ITSN2: variants seen among roughly 807,000 people sequenced by gnomAD.
ITSN2 encodes intersectin 2.
ITSN2 carries 156 observed loss-of-function variants against 243.7 expected under a neutral mutation model. The ratio of observed to expected loss-of-function variants is 0.64; its 90% CI spans 0.56 to 0.73. The LOEUF is 0.73. Among genes scored for constraint, ITSN2 ranks in the 30% least tolerant of loss-of-function variants. The pLI is 0.00. For missense variants in ITSN2, 1,801 were observed against 1,996.1 expected, an observed-to-expected ratio of 0.90 and a Z score of 1.86; for synonymous variants, 703 against 699.9, an observed-to-expected ratio of 1.00 and a Z score of -0.07.
rs572763102 is a variant in ITSN2 at position 24,292,352 on chromosome 2, T to C, written c.1723+1336A>G. 5.1e-4 allele frequency among the ~76,000 whole-genome samples: 77 copies of C among 152,236 alleles called. 1 individual carries two copies. The South Asian group carries it at 6.0e-3, about 12-fold the overall frequency. On this transcript the variant is annotated intron_variant, in intron 15 of 39. Coordinates refer to ENST00000355123, the MANE Select transcript of ITSN2 (RefSeq NM_006277.3). ...CAATGATGACAATAATAAAGATATATTTCTGCCACTGTGCATATCAGGTGG... is the reference window on the plus strand; with the variant it reads ...CAATGATGACAATAATAAAGATATACTTCTGCCACTGTGCATATCAGGTGG...
intron 2 of ITSN2, chr2:24,321,720 T>A (rs1488017191): frequency 6.6e-6 from 1 of 152,146 alleles, no homozygotes; most frequent in Admixed American, 6.5e-5. Context: ...CAGAACTGAT[T>A]TTCTATTATA....
chr2:24,216,726 C>T (rs1669988652), intron 31 of ITSN2, among the ~76,000 whole-genome samples: 1 of 151,324 alleles, frequency 6.6e-6, no homozygotes, highest in South Asian at 2.1e-4. Flanking sequence ...CACTGCACTG[C>T]AGCTTGGGTG....
rs749203927 is a variant in ITSN2 at position 24,312,407 on chromosome 2, T to C, written c.189-32A>G. On this transcript the variant is annotated intron_variant, in intron 4 of 39. Transcript: ENST00000355123. Reference sequence around the variant, plus strand: ...GGAGCATGAGGTAGGTAGATTGCTATGTGGTGTGGTGGTGGGAAAACTAAC... The same window carrying C: ...GGAGCATGAGGTAGGTAGATTGCTACGTGGTGTGGTGGTGGGAAAACTAAC... 15 of 1,503,548 alleles carry C rather than the reference T, an allele frequency of 1.0e-5. No individual in the cohort carries two copies. The African/African-American group carries it at 1.7e-4, about 17-fold the overall frequency. 93.1% of individuals were successfully genotyped at this position (1,503,548 alleles called of 1,614,324 possible).
At chr2:24,356,064 G>C (rs1162527724) in intron 1 of ITSN2, among the ~76,000 whole-genome samples, 1 of 152,134 alleles carries the variant, frequency 6.6e-6, no homozygotes. Flanking sequence ...GCTGGGCATG[G>C]TGGCAGGCGC....
At chr2:24,347,986 G>A (rs1021873696) in intron 1 of ITSN2, among the ~76,000 whole-genome samples, 7 of 151,816 alleles carry the variant, frequency 4.6e-5, no homozygotes, top group African/African-American at 1.7e-4. Context: ...TGAGGTGGGA[G>A]GATCACTTGA....
rs558414314 is a variant in ITSN2, at chr2:24,210,069, G to A, written c.4258-36C>T. The A allele has an allele frequency of 1.5e-5, 23 of 1,513,274 alleles. No individual in the cohort carries two copies. The East Asian group carries it at 2.0e-4, about 13-fold the overall frequency. 93.7% of individuals were successfully genotyped at this position (1,513,274 alleles called of 1,614,324 possible). A position where few individuals can be genotyped will look rare whatever the true frequency, so the allele number is the denominator to read the frequency against. ...AAGAAAATTTCACTTTTTAAATCCC[G>A]GCACAAACCATCCAGTGCCCCTGAG... On this transcript the variant is annotated intron_variant, in intron 34 of 39. Transcript: ENST00000355123.
intron 20 of ITSN2, among the ~76,000 whole-genome samples, chr2:24,264,999 C>T (rs969466830): frequency 1.3e-5 from 2 of 152,022 alleles, no homozygotes; most frequent in South Asian, 4.1e-4. Flanking sequence ...CTTTGCTGCC[C>T]GGGTTGATCT....
intron 30 of ITSN2, 34 bp downstream of exon 30, chr2:24,220,906 GCAGAT>G (rs1301018584): frequency 6.4e-7 from 1 of 1,564,864 alleles, no homozygotes; most frequent in Admixed American, 2.0e-5. Context: ...ATGAGAGACA[GCAGAT>G]ACCCCGAGAG....
At chr2:24,357,983 C>T (rs1688604783) in intron 1 of ITSN2, among the ~76,000 whole-genome samples, 1 of 152,132 alleles carries the variant, frequency 6.6e-6, no homozygotes, top group Non-Finnish European at 1.5e-5. Flanking sequence ...GGTGCGATCT[C>T]GGTTCACTGC....
In ITSN2 at chr2:24,216,062, T is replaced by C. The variant is rs771996175; in HGVS notation, c.3977A>G (p.Lys1326Arg). The change falls in exon 32 of 40, where the codon AAA (lysine) becomes AGA (arginine). Residue 1326 changes from lysine to arginine, a missense_variant. By Grantham distance (26) the Lys-to-Arg change is conservative. This residue lies in a region of ITSN2 where 928 missense variants were observed against 1,065.4 expected (regional missense o/e 0.87). Transcript: ENST00000355123. The stretch of plus-strand genomic sequence containing the variant: ...GAATGGAATTACCTTTAAAAATTCT[T>C]TGAAATCTGTGTCTTCATCTGTCTT... ...QQKTDEDTDF[K>R]EFLKKLASDP... 2.6e-5 allele frequency: 41 copies of C among 1,595,848 alleles called. No individual in the cohort carries two copies. Among genetic ancestry groups the C allele is most frequent in the Middle Eastern group, 3.3e-4 (2 of 5,972 alleles).
intron 2 of ITSN2, among the ~76,000 whole-genome samples, chr2:24,325,924 TACATACACACACAC>T (rs1032947601): frequency 8.6e-5 from 13 of 151,930 alleles, no homozygotes; most frequent in Non-Finnish European, 1.3e-4. Context: ...CACACGTATA[TACATACACACACAC>T]ACATACACAC....
At chr2:24,311,138 A>C (rs1683217292) in intron 5 of ITSN2, among the ~76,000 whole-genome samples, 7 of 152,056 alleles carry the variant, frequency 4.6e-5, no homozygotes, top group Admixed American at 4.6e-4. Context: ...AAAGGTTCTA[A>C]GTAGTAGATA....
At chr2:24,303,895 T>C (rs984040731) in intron 8 of ITSN2, 33 bp from the exon 9 acceptor site, 2 of 1,380,910 alleles carry the variant, frequency 1.4e-6, no homozygotes, top group Admixed American at 1.7e-5. Context: ...AAAGGAATTC[T>C]TTAGCATCTT....
rs201002598 is a variant in ITSN2 at position 24,254,444 on chromosome 2, TAAACAAACAAAC to T, written c.2889-25_2889-14del. ...CAAAGCTTCTGGTCTACCAAATATA[TAAACAAACAAAC>T]AAACAAACAAACAAATACAAGCAAA... On this transcript the variant is annotated splice_polypyrimidine_tract_variant and intron_variant, in intron 23 of 39. Coordinates refer to ENST00000355123, the MANE Select transcript of ITSN2 (RefSeq NM_006277.3). 4.7e-5 allele frequency: 75 copies of T among 1,588,346 alleles called. No individual in the cohort carries two copies. The South Asian group carries it at 5.2e-4, about 11-fold the overall frequency.
intron 2 of ITSN2, among the ~76,000 whole-genome samples, chr2:24,325,336 G>T (rs967448587): frequency 6.6e-6 from 1 of 152,070 alleles, no homozygotes; most frequent in Non-Finnish European, 1.5e-5. Context: ...CTTGAATCTA[G>T]CAAGTCGAGG....
At position 24,325,705 on chromosome 2, in the gene ITSN2, A is replaced by G. The variant is rs530359491; in HGVS notation, c.31+2347T>C. On this transcript the variant is annotated intron_variant, in intron 2 of 39. Transcript: ENST00000355123. ...TATGTAATAATCGTGTTAGAAATAC[A>G]TTAAAATTCTATCCGCTTCCCCTAA... Among the ~76,000 whole-genome samples, 3 of 152,370 alleles carry G rather than the reference A, an allele frequency of 2.0e-5. No individual in the cohort carries two copies. The East Asian group carries it at 5.8e-4, about 29-fold the overall frequency.
chr2:24,305,638 CAT>C (rs1682436926), intron 8 of ITSN2, among the ~76,000 whole-genome samples: 1 of 128,580 alleles, frequency 7.8e-6, no homozygotes, highest in African/African-American at 2.8e-5. Flanking sequence ...ACAAAACAAA[CAT>C]ATAAGTCCAG....
At chr2:24,244,710 G>C (rs945160445) in intron 29 of ITSN2, among the ~76,000 whole-genome samples, 1 of 152,008 alleles carries the variant, frequency 6.6e-6, no homozygotes, top group Non-Finnish European at 1.5e-5. Flanking sequence ...TCATTTATTA[G>C]GCAACCCAAG....
intron 1 of ITSN2, among the ~76,000 whole-genome samples, chr2:24,338,801 G>A (rs971147006): frequency 8.6e-5 from 13 of 151,914 alleles, no homozygotes; most frequent in African/African-American, 3.1e-4. Flanking sequence ...GACCAGCCCA[G>A]GCAACACAGC....
Sources: allele counts gnomAD v4.1 joint callset (sites outside exome capture counted in the v4.1 genomes callset), GRCh38; gene constraint gnomAD v4.1.1; regional missense constraint gnomAD v4.1.1; transcripts MANE v1.5; gene names NCBI Gene and HGNC (gene_info 2026-07-23, HGNC 2026-07-21).